Variants in CD109 observed in about 807,000 individuals in gnomAD.
CD109 encodes the protein CD109 antigen.
In CD109, 149 loss-of-function variants were observed where a neutral mutation model predicts 165.8. The observed-to-expected ratio is 0.90, with a 90% CI of 0.79 to 1.03. CD109 has a LOEUF of 1.03. CD109 is among the 50% of genes least tolerant of loss of function. The pLI, the probability that CD109 is intolerant of heterozygous loss-of-function variation, is 0.00. For synonymous variants in CD109, 585 were observed against 592.1 expected, an observed-to-expected ratio of 0.99 and a Z score of 0.18; for missense variants, 1,712 against 1,677.8, an observed-to-expected ratio of 1.02 and a Z score of -0.36.
At chr6:73,686,286 T>G in the CD109 span, among the ~76,000 whole-genome samples, 1 of 152,246 alleles carries the variant, frequency 6.6e-6, no homozygotes, top group Non-Finnish European at 1.5e-5. Flanking sequence ...GAAACTCCTA[T>G]TCCAGCATCT....
At chr6:73,715,648 A>G (rs1771713512) in intron 2 of CD109, among the ~76,000 whole-genome samples, 1 of 152,044 alleles carries the variant, frequency 6.6e-6, no homozygotes, top group African/African-American at 2.4e-5. Context: ...TTGTGGATAC[A>G]TAGAAGATGT....
chr6:73,709,654 G>A (rs1469359939), intron 2 of CD109, among the ~76,000 whole-genome samples: 2 of 152,010 alleles, frequency 1.3e-5, no homozygotes, highest in Non-Finnish European at 2.9e-5. Context: ...AGAATTTTAG[G>A]CCAATATCCC....
intron 5 of CD109, among the ~76,000 whole-genome samples, chr6:73,742,746 C>T (rs1772840783): frequency 6.6e-6 from 1 of 152,234 alleles, no homozygotes; most frequent in Non-Finnish European, 1.5e-5. Context: ...ATAATGGCCA[C>T]CTGAGGCTGC....
chr6:73,823,151 C>T (rs142344854), intron 32 of CD109, among the ~76,000 whole-genome samples: 1 of 152,232 alleles, frequency 6.6e-6, no homozygotes, highest in African/African-American at 2.4e-5. Context: ...GAAAATTCTC[C>T]CTGATGCAGT....
intron 2 of CD109, among the ~76,000 whole-genome samples, chr6:73,704,884 G>A (rs1161163238): frequency 6.6e-6 from 1 of 152,158 alleles, no homozygotes; most frequent in Admixed American, 6.5e-5. Flanking sequence ...AAAATACAAT[G>A]CGGTTTGTAA....
At position 73,729,100 on chromosome 6, in the gene CD109, CA is replaced by C. The variant is rs1772248427; in HGVS notation, c.277-1242del. ...GTTGGTGGGAGGCCCTGGTTCCTCC[CA>C]ATGTGGGCCTCTCCACAGACTTCTT... On this transcript the variant is annotated intron_variant, in intron 3 of 32. Transcript: ENST00000287097. 5.3e-5 allele frequency among the ~76,000 whole-genome samples: 8 copies of C among 152,168 alleles called. No homozygotes were observed. In the South Asian group the frequency reaches 1.7e-3, roughly 31 times the overall value.
At chr6:73,681,233 G>A in the CD109 span, among the ~76,000 whole-genome samples, 1 of 152,072 alleles carries the variant, frequency 6.6e-6, no homozygotes, top group East Asian at 1.9e-4. Context: ...GGTATACAAT[G>A]TGATATATGT....
chr6:73,707,971 T>C (rs1208125966), intron 2 of CD109, among the ~76,000 whole-genome samples: 10 of 2,914 alleles, frequency 3.4e-3, no homozygotes, highest in African/African-American at 4.4e-3. Flanking sequence ...TTTATATATA[T>C]ATATATATAT....
chr6:73,780,499 G>A lies in CD109; in HGVS notation c.1902+1G>A. On this transcript the variant is annotated splice_donor_variant, in intron 16 of 32. Coordinates refer to ENST00000287097, the MANE Select transcript of CD109 (RefSeq NM_133493.5). LOFTEE classifies it high-confidence loss of function. Reference sequence around the variant, plus strand: ...CATGAATTCTTTTGCAGTCTTTCAGGTATGTTTTGCTTGCTATATTGAAAA... The same window carrying A: ...CATGAATTCTTTTGCAGTCTTTCAGATATGTTTTGCTTGCTATATTGAAAA... 3 of 1,592,628 alleles carry A rather than the reference G, an allele frequency of 1.9e-6. No homozygotes were observed. Among genetic ancestry groups the A allele is most frequent in the South Asian group, 2.2e-5 (2 of 90,428 alleles).
At chr6:73,702,502 G>C (rs994464717) in intron 2 of CD109, among the ~76,000 whole-genome samples, 1 of 152,180 alleles carries the variant, frequency 6.6e-6, no homozygotes, top group African/African-American at 2.4e-5. Flanking sequence ...GTCTGAACCT[G>C]CAGTTATGTT....
intron 2 of CD109, among the ~76,000 whole-genome samples, chr6:73,721,173 AAC>A: frequency 6.6e-6 from 1 of 152,094 alleles, no homozygotes; most frequent in Admixed American, 6.6e-5. Flanking sequence ...TTCCTATGAT[AAC>A]AGTTATTAGA....
At chr6:73,748,545 A>C (rs965260993) in intron 5 of CD109, among the ~76,000 whole-genome samples, 1 of 152,210 alleles carries the variant, frequency 6.6e-6, no homozygotes, top group Non-Finnish European at 1.5e-5. Context: ...CAGAAGGTCC[A>C]TGCGGGGTTG....
chr6:73,709,439 C>T (rs1351391058), intron 2 of CD109, among the ~76,000 whole-genome samples: 7 of 152,146 alleles, frequency 4.6e-5, no homozygotes, highest in African/African-American at 1.4e-4. Context: ...TAGCATGATG[C>T]CTCCAGCTTT....
intron 3 of CD109, among the ~76,000 whole-genome samples, chr6:73,725,030 C>A (rs1252903184): frequency 6.6e-6 from 1 of 152,062 alleles, no homozygotes; most frequent in Non-Finnish European, 1.5e-5. Context: ...TATATCTATT[C>A]TGTTTGTTAC....
intron 13 of CD109, 110 bp from the exon 14 acceptor site, chr6:73,767,945 T>A (rs1394589086): frequency 1.1e-6 from 1 of 884,194 alleles, no homozygotes; most frequent in Non-Finnish European, 1.8e-6. Context: ...ACTTTGAAGC[T>A]GGTTTAATTC....
chr6:73,810,759 G>A (rs924016620), intron 27 of CD109, among the ~76,000 whole-genome samples: 15 of 152,010 alleles, frequency 9.9e-5, no homozygotes, highest in African/African-American at 3.1e-4. Flanking sequence ...ACTGTTTAGG[G>A]ATTAATCTGA....
intron 2 of CD109, among the ~76,000 whole-genome samples, chr6:73,715,323 G>A (rs1000136061): frequency 6.6e-6 from 1 of 151,876 alleles, no homozygotes; most frequent in Non-Finnish European, 1.5e-5. Flanking sequence ...AGGGCCTTGG[G>A]AAGTCAAGGT....
intron 21 of CD109, among the ~76,000 whole-genome samples, chr6:73,787,814 G>A (rs781021992): frequency 6.6e-6 from 1 of 152,072 alleles, no homozygotes; most frequent in Non-Finnish European, 1.5e-5. Context: ...ATTTTTTTCA[G>A]AGAAGACATT....
At chr6:73,722,755 A>G (rs1772005738) in intron 2 of CD109, among the ~76,000 whole-genome samples, 1 of 152,196 alleles carries the variant, frequency 6.6e-6, no homozygotes, top group Non-Finnish European at 1.5e-5. Flanking sequence ...TAGCAGTCCT[A>G]TGTATAGAAA....
Sources: allele counts gnomAD v4.1 joint callset (sites outside exome capture counted in the v4.1 genomes callset), GRCh38; gene constraint gnomAD v4.1.1; transcripts MANE v1.5; gene names NCBI Gene and HGNC (gene_info 2026-07-23, HGNC 2026-07-21).